SLA: variants seen among roughly 807,000 people sequenced by gnomAD.
The protein encoded by SLA is src-like-adapter.
In SLA, 16 loss-of-function variants were observed where a neutral mutation model predicts 30.3. That is an observed-to-expected ratio of 0.53 (90% CI 0.36 to 0.80). The LOEUF (loss-of-function observed/expected upper bound fraction) is 0.80, where lower values mean the gene tolerates loss of function less well. Ranked by LOEUF, SLA falls within the 30% of genes least tolerant of loss-of-function variation. The probability of loss-of-function intolerance (pLI) is 0.01; values close to 1 mark genes in which losing one functional copy is unlikely to be tolerated. For missense variants in SLA, 310 were observed against 345.2 expected, an observed-to-expected ratio of 0.90 and a Z score of 0.81; for synonymous variants, 143 against 137.8, an observed-to-expected ratio of 1.04 and a Z score of -0.26.
rs185376387 is a variant in SLA at position 133,039,131 on chromosome 8, A to G, written c.618-394T>C. Among the ~76,000 whole-genome samples the G allele has an allele frequency of 3.9e-5, 6 of 152,282 alleles. No individual in the cohort carries two copies. The East Asian group carries it at 5.8e-4, about 15-fold the overall frequency. The stretch of plus-strand genomic sequence containing the variant: ...TGACCTTAGGTGATCTGCCCACCTC[A>G]GCCTCCCAAAGTGCTGGGGTTACAG... On this transcript the variant is annotated intron_variant, in intron 8 of 8. Coordinates refer to ENST00000338087, the MANE Select transcript of SLA (RefSeq NM_001045556.3).
chr8:133,044,714 A>G (rs949537883), intron 7 of SLA, among the ~76,000 whole-genome samples: 1 of 152,234 alleles, frequency 6.6e-6, no homozygotes, highest in Admixed American at 6.5e-5. Context: ...AGCTGGTTGC[A>G]GTTGTGAATT....
intron 3 of SLA, among the ~76,000 whole-genome samples, chr8:133,056,738 A>G (rs1841504162): frequency 6.6e-6 from 1 of 152,238 alleles, no homozygotes; most frequent in South Asian, 2.1e-4. Context: ...GGCTGTGAGC[A>G]CCAAGCGGCT....
intron 8 of SLA, among the ~76,000 whole-genome samples, chr8:133,039,034 C>T (rs554772700): frequency 2.0e-4 from 30 of 152,272 alleles, no homozygotes; most frequent in South Asian, 6.2e-4. Flanking sequence ...TCCACCACCA[C>T]GCCCAGCTAA....
chr8:133,061,537 G>A (rs1190922419), intron 2 of SLA, among the ~76,000 whole-genome samples: 3 of 152,204 alleles, frequency 2.0e-5, no homozygotes, highest in Non-Finnish European at 4.4e-5. Flanking sequence ...AGAGAATAGG[G>A]TTTTAGGGAA....
At chr8:133,055,679 G>A (rs971401100) in intron 3 of SLA, among the ~76,000 whole-genome samples, 1 of 152,178 alleles carries the variant, frequency 6.6e-6, no homozygotes, top group Non-Finnish European at 1.5e-5. Flanking sequence ...GATATAGGCA[G>A]GGCTAGCACA....
chr8:133,081,474 T>A (rs2131533416), intron 1 of SLA, among the ~76,000 whole-genome samples: 1 of 152,284 alleles, frequency 6.6e-6, no homozygotes, highest in South Asian at 2.1e-4. Context: ...CAAAGTTGGA[T>A]CAGCGGTCCA....
At chr8:133,047,511 T>G in intron 6 of SLA, 1 of 350,326 alleles carries the variant, frequency 2.9e-6, no homozygotes, top group Non-Finnish European at 5.4e-6. Context: ...AAAGGCCACA[T>G]TCTATCTGCA....
At chr8:133,097,828 TAGAG>T in intron 1 of SLA, among the ~76,000 whole-genome samples, 1 of 152,238 alleles carries the variant, frequency 6.6e-6, no homozygotes, top group Middle Eastern at 3.4e-3. Context: ...CGTGTGTATG[TAGAG>T]AGAGAGAAAG....
intron 1 of SLA, among the ~76,000 whole-genome samples, chr8:133,100,319 C>T (rs1342138296): frequency 1.3e-5 from 2 of 152,166 alleles, no homozygotes; most frequent in Non-Finnish European, 2.9e-5. Flanking sequence ...ATCCCTACAT[C>T]CTACACCCTA....
At chr8:133,070,751 G>C (rs534451046) in intron 2 of SLA, among the ~76,000 whole-genome samples, 1 of 152,178 alleles carries the variant, frequency 6.6e-6, no homozygotes, top group Non-Finnish European at 1.5e-5. Flanking sequence ...GGGTCTGCTG[G>C]CAAGACCAGA....
intron 2 of SLA, among the ~76,000 whole-genome samples, chr8:133,074,401 G>A (rs1844550521): frequency 6.6e-6 from 1 of 152,018 alleles, no homozygotes; most frequent in African/African-American, 2.4e-5. Flanking sequence ...AACTGGCCTG[G>A]GCACCTAGCA....
At chr8:133,039,804 C>G (rs1050703486) in intron 8 of SLA, among the ~76,000 whole-genome samples, 194 bp downstream of exon 8, 4 of 152,146 alleles carry the variant, frequency 2.6e-5, no homozygotes, top group Non-Finnish European at 4.4e-5. Flanking sequence ...AGGCCTGAAG[C>G]TGCCCCTGCA....
At chr8:133,053,128 C>T (rs914251757) in intron 3 of SLA, among the ~76,000 whole-genome samples, 5 of 152,264 alleles carry the variant, frequency 3.3e-5, no homozygotes, top group South Asian at 4.2e-4. Context: ...CCTCCTTCAC[C>T]GTTCCCACCT....
At chr8:133,083,028 A>G (rs1031439836) in intron 1 of SLA, among the ~76,000 whole-genome samples, 2 of 152,198 alleles carry the variant, frequency 1.3e-5, no homozygotes, top group African/African-American at 2.4e-5. Flanking sequence ...TGGGGCAGAC[A>G]TGGAGGGAGA....
rs1295832320 is a variant in SLA at position 133,037,611 on chromosome 8, C to T, written c.*913G>A. 1.3e-5 allele frequency: 2 copies of T among 151,594 alleles called. No homozygotes were observed. Among genetic ancestry groups the T allele is most frequent in the Admixed American group, 6.6e-5 (1 of 15,202 alleles). 9.4% of individuals were successfully genotyped at this position (151,594 alleles called of 1,614,324 possible). On this transcript the variant is annotated 3_prime_UTR_variant, in exon 9 of 9. Coordinates refer to ENST00000338087, the MANE Select transcript of SLA (RefSeq NM_001045556.3). ...TTTTCCCTGTCTACACTGTGAACAC[C>T]TCTGTTGGGGGTTAGGACTTACGCA...
chr8:133,070,015 A>G (rs79123528), intron 2 of SLA, among the ~76,000 whole-genome samples: 1 of 96,600 alleles, frequency 1.0e-5, no homozygotes, highest in Non-Finnish European at 2.6e-5. Context: ...AAAAAAAAAA[A>G]AAAAAAAAAA....
intron 1 of SLA, among the ~76,000 whole-genome samples, chr8:133,101,477 G>A (rs1444374257): frequency 1.3e-5 from 2 of 152,152 alleles, no homozygotes; most frequent in Non-Finnish European, 2.9e-5. Flanking sequence ...GTTCTGGAGG[G>A]CCTCAATCTC....
In SLA at chr8:133,086,999, C is replaced by T. The variant is rs190648642; in HGVS notation, c.-318-11869G>A. On this transcript the variant is annotated intron_variant, in intron 1 of 8. Transcript: ENST00000338087. ...AATAAGTAATGATACAGAATGATAT[C>T]GACAATGGATTGTTAGGTGAAAAAG... Among the ~76,000 whole-genome samples, 246 of 148,224 alleles carry T rather than the reference C, an allele frequency of 1.7e-3. 5 individuals are homozygous for T. The highest frequency in any genetic ancestry group is 0.014 in the Admixed American group (205 of 14,698).
At chr8:133,044,839 C>T (rs1288511471) in intron 7 of SLA, 145 bp downstream of exon 7, 4 of 761,772 alleles carry the variant, frequency 5.3e-6, no homozygotes, top group Non-Finnish European at 8.7e-6. Flanking sequence ...CTGAAATTTA[C>T]AGTCTGAATT....
Sources: gnomAD v4.1 joint callset for allele counts (sites outside exome capture counted in the v4.1 genomes callset) on GRCh38, gnomAD v4.1.1 for gene constraint, MANE v1.5 for transcripts, NCBI Gene and HGNC (gene_info 2026-07-23, HGNC 2026-07-21) for gene names.